NDRG2: variants seen among roughly 807,000 people sequenced by gnomAD.
NDRG2 encodes NDRG family member 2.
A neutral mutation model predicts 58.2 loss-of-function variants in NDRG2; 34 were observed. That is an observed-to-expected ratio of 0.58 (90% CI 0.44 to 0.78). NDRG2 has a LOEUF of 0.78. Ranked by LOEUF, NDRG2 falls within the 30% of genes least tolerant of loss-of-function variation. The pLI is 0.00. For missense variants in NDRG2, 434 were observed against 471.2 expected (o/e 0.92, Z 0.73); for synonymous variants, 187 against 175.9 (o/e 1.06, Z -0.50).
chr14:21,053,863 G>C (rs1885569761), intron 1 of NDRG2, among the ~76,000 whole-genome samples: 1 of 152,152 alleles, frequency 6.6e-6, no homozygotes, highest in Admixed American at 6.5e-5. Context: ...AATGAACTCG[G>C]AAGTGCCTTC....
At position 21,018,743 on chromosome 14, in the gene NDRG2, C is replaced by T. The variant is rs988654643; in HGVS notation, c.813+20G>A. On this transcript the variant is annotated intron_variant, in intron 12 of 15. Coordinates refer to ENST00000556147, the MANE Select transcript of NDRG2 (RefSeq NM_001320329.2). Reference sequence around the variant, plus strand: ...GACCCCAACCCTCCTCCCTCACTCACCCCAAAATTCCCTACTAACCACTGC... The same window carrying T: ...GACCCCAACCCTCCTCCCTCACTCATCCCAAAATTCCCTACTAACCACTGC... The T allele has an allele frequency of 1.2e-6, 2 of 1,614,062 alleles. No individual in the cohort carries two copies. The highest frequency in any genetic ancestry group is 2.7e-5 in the African/African-American group (2 of 75,062).
chr14:21,058,311 A>C, intron 1 of NDRG2: 1 of 1,613,618 alleles, frequency 6.2e-7, no homozygotes, highest in South Asian at 1.1e-5. Flanking sequence ...CAACAGGGTG[A>C]CCCAGGGTAC....
intron 1 of NDRG2, among the ~76,000 whole-genome samples, chr14:21,046,468 C>T (rs151196609): frequency 0.015 from 755 of 49,382 alleles, 8 homozygotes; most frequent in African/African-American, 0.039. Context: ...CTGCAGTGAG[C>T]CATGATCTGC....
At chr14:21,030,833 A>C, upstream of NDRG2, 2 of 1,550,732 alleles carry the variant, frequency 1.3e-6, no homozygotes, top group South Asian at 2.4e-5. Context: ...ACGTGGTGGA[A>C]CATTTGCAGT....
At chr14:21,043,382 C>G (rs202100589) in intron 1 of NDRG2, 12 of 1,613,976 alleles carry the variant, frequency 7.4e-6, no homozygotes, top group African/African-American at 6.7e-5. Context: ...ACAAGTCTTA[C>G]GTAGTGGCCT....
At chr14:21,033,842 G>A (rs779827802) in intron 1 of NDRG2, 41 of 1,612,470 alleles carry the variant, frequency 2.5e-5, no homozygotes, top group Admixed American at 1.7e-4. Flanking sequence ...AGAGACCAGC[G>A]ATACCTATTG....
intron 1 of NDRG2, chr14:21,034,532 G>T: frequency 2.0e-6 from 1 of 502,420 alleles, no homozygotes; most frequent in Non-Finnish European, 3.5e-6. Context: ...CAGAGTCCGT[G>T]AGCTACATTT....
chr14:21,035,046 T>C (rs74873203), intron 1 of NDRG2, among the ~76,000 whole-genome samples: 6,146 of 152,316 alleles, frequency 0.04, 215 homozygotes, highest in African/African-American at 0.1. Flanking sequence ...TTCTTATTCC[T>C]GACCCTCAGA....
intron 1 of NDRG2, chr14:21,036,345 C>T: frequency 9.1e-6 from 4 of 438,362 alleles, no homozygotes; most frequent in South Asian, 6.5e-5. Context: ...TAGGGGTGCC[C>T]AGTCTTTTGG....
intron 1 of NDRG2, among the ~76,000 whole-genome samples, chr14:21,046,375 A>G (rs1229289162): frequency 6.6e-6 from 1 of 152,060 alleles, no homozygotes; most frequent in Non-Finnish European, 1.5e-5. Flanking sequence ...AAATACAATT[A>G]GCTGGGTATG....
chr14:21,063,159 C>T (rs181656866), intron 1 of NDRG2, among the ~76,000 whole-genome samples: 26 of 151,726 alleles, frequency 1.7e-4, no homozygotes, highest in Admixed American at 5.3e-4. Flanking sequence ...AAACAAAAAA[C>T]GGATTTTAAG....
intron 1 of NDRG2, among the ~76,000 whole-genome samples, chr14:21,052,411 C>T (rs1351890291): frequency 2.0e-5 from 3 of 152,144 alleles, no homozygotes; most frequent in South Asian, 2.1e-4. Context: ...AGGATTTGTA[C>T]GGCAAGGTTC....
intron 1 of NDRG2, chr14:21,031,202 C>T (rs1406043869): frequency 6.2e-7 from 1 of 1,603,616 alleles, no homozygotes; most frequent in Non-Finnish European, 8.5e-7. Context: ...CCCTACTTCC[C>T]TAAATCCCCA....
At position 21,016,891 on chromosome 14, in the gene NDRG2, C is replaced by A. The variant is rs1417509741; in HGVS notation, c.*705G>T. ...AGCCCTTTCCACCCTATGCCAAGCC[C>A]CAAGCAGCCCAGCCCAAGCTTAGCT... On this transcript the variant is annotated 3_prime_UTR_variant, in exon 16 of 16. Coordinates refer to ENST00000556147, the MANE Select transcript of NDRG2 (RefSeq NM_001320329.2). 2.2e-5 allele frequency: 10 copies of A among 456,476 alleles called. No homozygotes were observed. The highest frequency in any genetic ancestry group is 4.4e-5 in the Non-Finnish European group (10 of 226,800). The allele number at this position is 456,476 out of a possible 1,614,324, so 28.3% of individuals were successfully genotyped here. A position where few individuals can be genotyped will look rare whatever the true frequency, so the allele number is the denominator to read the frequency against.
chr14:21,021,879 T>C lies in NDRG2; in HGVS notation c.345A>G (p.Gly115=). 6.2e-7 allele frequency: 1 copy of C among 1,613,146 alleles called. No homozygotes were observed. The highest frequency in any genetic ancestry group is 8.5e-7 in the Non-Finnish European group (1 of 1,179,598). Residue 115 remains glycine (G), a splice_region_variant and synonymous_variant, in exon 6 of 16, where the codon GGA becomes GGG. Transcript: ENST00000556147. ...MEEGAPVFPL[G]YQYPSLDQLA... The stretch of plus-strand genomic sequence containing the variant: ...GCTGGTCCAGAGATGGGTACTGATA[T>C]CTGGAAAAGAGAGGCATGTTAAGGA...
chr14:21,059,596 G>A (rs1362750169), intron 1 of NDRG2, among the ~76,000 whole-genome samples: 9 of 152,110 alleles, frequency 5.9e-5, no homozygotes, highest in East Asian at 3.9e-4. Context: ...CTGGGCTCAC[G>A]TGATCCTCCC....
Position 21,023,312 on chromosome 14 carries a change from C to T in NDRG2, c.4G>A (p.Ala2Thr). The change falls in exon 2 of 16, where the codon GCG becomes ACG. Residue 2 changes from alanine (A) to threonine (T), a missense_variant. Physicochemically the swap from Ala to Thr is moderately conservative, Grantham distance 58. Coordinates refer to ENST00000556147, the MANE Select transcript of NDRG2 (RefSeq NM_001320329.2). ...GTGATCTGCACCTCCTGCAGCTCCG[C>T]CATGGTGGCCTGGCAGGATGAGGAA... is the stretch of plus-strand genomic sequence containing the variant. M[A>T]ELQEVQITEE... 6.2e-7 allele frequency: 1 copy of T among 1,613,460 alleles called. No homozygotes were observed. The highest frequency in any genetic ancestry group is 8.5e-7 in the Non-Finnish European group (1 of 1,179,738).
In NDRG2 at chr14:21,017,530, A is replaced by C; in HGVS notation, c.*66T>G. On this transcript the variant is annotated 3_prime_UTR_variant, in exon 16 of 16. Coordinates refer to ENST00000556147, the MANE Select transcript of NDRG2 (RefSeq NM_001320329.2). ...GCTTACGGTGGCCCAATGCCCCTTC[A>C]GCACCTCCCAGGTTAGCTCTGGGGG... 1 of 1,537,288 alleles carries C rather than the reference A, an allele frequency of 6.5e-7. No individual in the cohort carries two copies. The highest frequency in any genetic ancestry group is 1.2e-5 in the South Asian group (1 of 81,010).
rs1411118225 is a variant in NDRG2 at position 21,024,088 on chromosome 14, C to T, written c.-65G>A. On this transcript the variant is annotated 5_prime_UTR_variant, in exon 1 of 16. Coordinates refer to ENST00000556147, the MANE Select transcript of NDRG2 (RefSeq NM_001320329.2). The stretch of plus-strand genomic sequence containing the variant: ...GGGTCAGGGTTCTCACTCCTTCTGA[C>T]TCTGGGGTCTGAGAAAACACAGCAA... 4 of 985,490 alleles carry T rather than the reference C, an allele frequency of 4.1e-6. No individual in the cohort carries two copies. The highest frequency in any genetic ancestry group is 3.5e-5 in the African/African-American group (2 of 57,356). 61.0% of individuals were successfully genotyped at this position (985,490 alleles called of 1,614,324 possible). A position where few individuals can be genotyped will look rare whatever the true frequency, so the allele number is the denominator to read the frequency against.
Sources: allele counts gnomAD v4.1 joint callset (sites outside exome capture counted in the v4.1 genomes callset), GRCh38; gene constraint gnomAD v4.1.1; transcripts MANE v1.5; gene names NCBI Gene and HGNC (gene_info 2026-07-23, HGNC 2026-07-21).